Variants in CTNNA2 observed in about 807,000 individuals in gnomAD.
The protein encoded by CTNNA2 is catenin alpha-2.
Under a neutral mutation model 101.0 loss-of-function variants are expected in CTNNA2, and 42 were observed. The observed-to-expected ratio is 0.42, with a 90% CI of 0.32 to 0.54. The LOEUF is 0.54. Ranked by LOEUF, CTNNA2 falls within the 20% of genes least tolerant of loss-of-function variation. The pLI is 0.14. For missense variants in CTNNA2, 871 were observed against 1,223.1 expected (o/e 0.71, Z 4.29); for synonymous variants, 450 against 456.4 (o/e 0.99, Z 0.18).
At chr2:80,636,748 C>G (rs938906594) in intron 18 of CTNNA2, among the ~76,000 whole-genome samples, 1 of 152,090 alleles carries the variant, frequency 6.6e-6, no homozygotes, top group African/African-American at 2.4e-5. Context: ...ACATCAGCTT[C>G]CCAGGCTAGA....
intron 7 of CTNNA2, among the ~76,000 whole-genome samples, chr2:80,095,475 G>A (rs1044514969): frequency 1.3e-5 from 2 of 152,000 alleles, no homozygotes; most frequent in African/African-American, 4.8e-5. Flanking sequence ...TTTTTTTGTT[G>A]TGTCTCTGCC....
At chr2:80,517,412 G>A (rs1015804705) in intron 9 of CTNNA2, among the ~76,000 whole-genome samples, 2 of 152,160 alleles carry the variant, frequency 1.3e-5, no homozygotes, top group African/African-American at 4.8e-5. Flanking sequence ...AATTTGCCTT[G>A]TCTGTAATCA....
intron 4 of CTNNA2, among the ~76,000 whole-genome samples, chr2:79,867,122 T>A (rs1170593442): frequency 6.6e-6 from 1 of 152,212 alleles, no homozygotes; most frequent in East Asian, 1.9e-4. Flanking sequence ...AACTCCTCCA[T>A]GAACAGTAAA....
At chr2:79,929,963 G>A (rs57308722) in intron 7 of CTNNA2, among the ~76,000 whole-genome samples, 31,927 of 151,994 alleles carry the variant, frequency 0.21, 3,497 homozygotes, top group Middle Eastern at 0.29. Flanking sequence ...CTGGCCAGCC[G>A]TGGTGGCAAA....
intron 4 of CTNNA2, among the ~76,000 whole-genome samples, chr2:79,382,996 T>A (rs182082121): frequency 1.3e-5 from 2 of 152,214 alleles, no homozygotes; most frequent in Non-Finnish European, 2.9e-5. Flanking sequence ...GATATGGAGA[T>A]GAAAAGAAGA....
At chr2:79,942,635 T>A (rs1050114893) in intron 7 of CTNNA2, among the ~76,000 whole-genome samples, 4 of 152,246 alleles carry the variant, frequency 2.6e-5, no homozygotes, top group Non-Finnish European at 1.5e-5. Flanking sequence ...CATTTATTGT[T>A]CTTATACACT....
intron 5 of CTNNA2, among the ~76,000 whole-genome samples, 186 bp from the exon 6 acceptor site, chr2:79,873,890 G>C (rs1205035787): frequency 1.3e-5 from 2 of 152,100 alleles, no homozygotes; most frequent in African/African-American, 4.8e-5. Context: ...TCACTATAGA[G>C]ACCTAGCTGT....
chr2:80,192,254 C>T (rs1006036407), intron 7 of CTNNA2, among the ~76,000 whole-genome samples: 4 of 152,174 alleles, frequency 2.6e-5, no homozygotes, highest in Non-Finnish European at 5.9e-5. Context: ...AATCTAACTA[C>T]GTACAGGCAA....
At chr2:79,997,079 T>C (rs148779036) in intron 7 of CTNNA2, among the ~76,000 whole-genome samples, 16 of 152,252 alleles carry the variant, frequency 1.1e-4, no homozygotes, top group African/African-American at 3.1e-4. Context: ...TTTATAACAC[T>C]GTCCAATTGG....
At chr2:79,699,811 AC>A (rs1558850823) in intron 2 of CTNNA2, among the ~76,000 whole-genome samples, 39 of 147,250 alleles carry the variant, frequency 2.6e-4, no homozygotes, top group East Asian at 7.9e-4. Flanking sequence ...ACACACACAC[AC>A]ACACACACAC....
At chr2:79,737,414 T>C (rs948858956) in intron 2 of CTNNA2, among the ~76,000 whole-genome samples, 1 of 151,876 alleles carries the variant, frequency 6.6e-6, no homozygotes, top group South Asian at 2.1e-4. Flanking sequence ...GACTCCTAGA[T>C]AAATGTTTCT....
At chr2:79,628,791 A>G (rs1679491557) in intron 1 of CTNNA2, among the ~76,000 whole-genome samples, 1 of 152,190 alleles carries the variant, frequency 6.6e-6, no homozygotes, top group African/African-American at 2.4e-5. Flanking sequence ...CTGGCATTTT[A>G]GACATTTTTC....
chr2:79,990,076 T>C (rs1692059512), intron 7 of CTNNA2, among the ~76,000 whole-genome samples: 1 of 152,156 alleles, frequency 6.6e-6, no homozygotes, highest in Non-Finnish European at 1.5e-5. Flanking sequence ...TAGAGGCTGA[T>C]GTGTCCCTGA....
At chr2:80,210,938 G>A (rs1040901923) in intron 7 of CTNNA2, among the ~76,000 whole-genome samples, 3 of 152,114 alleles carry the variant, frequency 2.0e-5, no homozygotes, top group African/African-American at 7.2e-5. Context: ...TCTCATTGTG[G>A]TTTTGATTTG....
At chr2:80,536,295 C>G (rs1691012653) in intron 9 of CTNNA2, among the ~76,000 whole-genome samples, 1 of 152,164 alleles carries the variant, frequency 6.6e-6, no homozygotes, top group Admixed American at 6.5e-5. Context: ...CCACCATCCT[C>G]TCTGTGGTTT....
At chr2:80,534,650 G>C (rs1690836136) in intron 9 of CTNNA2, among the ~76,000 whole-genome samples, 1 of 152,224 alleles carries the variant, frequency 6.6e-6, no homozygotes, top group African/African-American at 2.4e-5. Context: ...CGAATAGTTA[G>C]AAGGACATTC....
chr2:79,218,101 C>T (rs1394273979), intron 2 of CTNNA2, among the ~76,000 whole-genome samples: 21 of 152,180 alleles, frequency 1.4e-4, no homozygotes, highest in Admixed American at 1.4e-3. Context: ...AAATAAAAAA[C>T]TTGAAGCTTA....
chr2:80,143,281 AT>A (rs941109364), intron 7 of CTNNA2, among the ~76,000 whole-genome samples: 68 of 152,222 alleles, frequency 4.5e-4, no homozygotes, highest in Non-Finnish European at 7.9e-4. Flanking sequence ...ACTTCTATGT[AT>A]TTTTTTGTGT....
chr2:80,173,395 CTG>C (rs1247810146), intron 7 of CTNNA2, among the ~76,000 whole-genome samples: 11 of 152,270 alleles, frequency 7.2e-5, no homozygotes, highest in South Asian at 2.1e-4. Flanking sequence ...GAAAGCATGA[CTG>C]TATCAGTCAG....
Sources: allele counts gnomAD v4.1 joint callset (sites outside exome capture counted in the v4.1 genomes callset), GRCh38; gene constraint gnomAD v4.1.1; transcripts MANE v1.5; gene names NCBI Gene and HGNC (gene_info 2026-07-23, HGNC 2026-07-21).